Variants in RALYL observed in about 807,000 individuals in gnomAD.
RALYL encodes the protein RNA-binding Raly-like protein.
In RALYL, 29 loss-of-function variants were observed where a neutral mutation model predicts 35.1. The observed-to-expected ratio is 0.83, with a 90% CI of 0.61 to 1.13. The LOEUF (loss-of-function observed/expected upper bound fraction) is 1.13. RALYL is among the 50% of genes most tolerant of loss of function. The probability of loss-of-function intolerance (pLI) is 0.00; values close to 1 mark genes in which losing one functional copy is unlikely to be tolerated. For synonymous variants in RALYL, 120 were observed against 127.6 expected (o/e 0.94, Z 0.40); for missense variants, 359 against 360.4 (o/e 1.00, Z 0.03).
chr8:84,580,901 T>G (rs923020710), intron 2 of RALYL, among the ~76,000 whole-genome samples: 6 of 152,152 alleles, frequency 3.9e-5, no homozygotes, highest in Non-Finnish European at 8.8e-5. Context: ...GCCTTGAAGG[T>G]AAGTCTTGTT....
At chr8:84,662,616 A>T (rs189240015) in intron 2 of RALYL, among the ~76,000 whole-genome samples, 179 of 152,222 alleles carry the variant, frequency 1.2e-3, no homozygotes, top group African/African-American at 4.2e-3. Context: ...TTTAAACTGG[A>T]TGTTGAACAC....
At chr8:84,675,447 C>T (rs1023076200) in intron 2 of RALYL, among the ~76,000 whole-genome samples, 3 of 151,982 alleles carry the variant, frequency 2.0e-5, no homozygotes, top group Non-Finnish European at 4.4e-5. Context: ...TGGAATAGAC[C>T]TAATTCCCCA....
At chr8:84,834,770 C>T (rs185737061) in intron 4 of RALYL, among the ~76,000 whole-genome samples, 31 of 152,276 alleles carry the variant, frequency 2.0e-4, no homozygotes, top group South Asian at 4.1e-4. Flanking sequence ...TATCAATATA[C>T]AGGTGTTTGA....
intron 3 of RALYL, among the ~76,000 whole-genome samples, chr8:84,780,445 A>T (rs1817880023): frequency 6.6e-6 from 1 of 152,212 alleles, no homozygotes; most frequent in South Asian, 2.1e-4. Context: ...CTAAAACTCA[A>T]ACCTGAATAT....
At chr8:84,475,603 T>C (rs1229229121) in intron 1 of RALYL, among the ~76,000 whole-genome samples, 1 of 152,218 alleles carries the variant, frequency 6.6e-6, no homozygotes, top group Admixed American at 6.5e-5. Flanking sequence ...GGGTTTATAA[T>C]TTATTTTCTT....
chr8:84,682,073 C>A (rs1347013874), intron 2 of RALYL, among the ~76,000 whole-genome samples: 2 of 152,094 alleles, frequency 1.3e-5, no homozygotes, highest in South Asian at 4.1e-4. Context: ...TTGTCAAAGG[C>A]CTTTTCTGCA....
chr8:84,730,424 T>C (rs187527953), intron 2 of RALYL, among the ~76,000 whole-genome samples: 3 of 152,244 alleles, frequency 2.0e-5, no homozygotes, highest in African/African-American at 7.2e-5. Flanking sequence ...CCACAGCCAA[T>C]ATCATACTGA....
chr8:84,584,145 G>T (rs1811451998), intron 2 of RALYL, among the ~76,000 whole-genome samples: 1 of 152,054 alleles, frequency 6.6e-6, no homozygotes, highest in South Asian at 2.1e-4. Flanking sequence ...GTACAATTAA[G>T]TTATTGAAGT....
At chr8:84,692,297 A>G (rs1838222947) in intron 2 of RALYL, among the ~76,000 whole-genome samples, 1 of 152,020 alleles carries the variant, frequency 6.6e-6, no homozygotes, top group Admixed American at 6.6e-5. Context: ...TAGAAAAATC[A>G]AAAACAATAT....
At chr8:84,901,449 G>A (rs897989244) in intron 8 of RALYL, among the ~76,000 whole-genome samples, 2 of 152,088 alleles carry the variant, frequency 1.3e-5, no homozygotes, top group Non-Finnish European at 2.9e-5. Flanking sequence ...CATTTGTCAA[G>A]TAAAAAACAA....
At chr8:84,664,858 C>T (rs951191706) in intron 2 of RALYL, among the ~76,000 whole-genome samples, 2 of 152,188 alleles carry the variant, frequency 1.3e-5, no homozygotes, top group South Asian at 4.1e-4. Context: ...ACTTCCAATA[C>T]TATGTTGAAT....
chr8:84,774,565 T>C lies in RALYL; in HGVS notation c.257-14T>C, dbSNP rs1181449247. ...TATTTTCTTAATCAGTACTGTTTTA[T>C]TTTATGCTTTCAGATATCAACATGG... On this transcript the variant is annotated splice_polypyrimidine_tract_variant and intron_variant, in intron 2 of 8. Coordinates refer to ENST00000521268, the MANE Select transcript of RALYL (RefSeq NM_173848.7). The C allele has an allele frequency of 1.9e-6, 3 of 1,571,044 alleles. No homozygotes were observed. In the Admixed American group the frequency reaches 5.3e-5, roughly 28 times the overall value.
intron 1 of RALYL, among the ~76,000 whole-genome samples, chr8:84,471,413 T>C (rs1256404491): frequency 6.7e-6 from 1 of 148,992 alleles, no homozygotes; most frequent in Non-Finnish European, 1.5e-5. Context: ...CAAGACCACA[T>C]CTGTACACAA....
chr8:84,574,032 A>G (rs1380828021), intron 2 of RALYL, among the ~76,000 whole-genome samples: 1 of 151,896 alleles, frequency 6.6e-6, no homozygotes, highest in African/African-American at 2.4e-5. Flanking sequence ...TTAAGCTTTA[A>G]TTGGATACCG....
intron 5 of RALYL, among the ~76,000 whole-genome samples, chr8:84,860,871 G>T (rs1289184691): frequency 6.6e-6 from 1 of 152,020 alleles, no homozygotes; most frequent in African/African-American, 2.4e-5. Context: ...TTTAAATTTG[G>T]TTTAATAGTG....
chr8:84,843,521 T>C (rs1457995389), intron 4 of RALYL, among the ~76,000 whole-genome samples: 1 of 152,062 alleles, frequency 6.6e-6, no homozygotes, highest in East Asian at 1.9e-4. Flanking sequence ...AGAATCAATA[T>C]CGTGAAAATG....
chr8:84,679,277 G>T (rs2131942444), intron 2 of RALYL: 2 of 219,152 alleles, frequency 9.1e-6, no homozygotes, highest in Admixed American at 5.1e-5. Context: ...CAATTACCAT[G>T]ATGCCAGTGG....
At chr8:84,425,423 T>G (rs1054067131) in intron 1 of RALYL, among the ~76,000 whole-genome samples, 3 of 152,008 alleles carry the variant, frequency 2.0e-5, no homozygotes, top group Non-Finnish European at 2.9e-5. Flanking sequence ...CACGGTGCGC[T>G]CACCCACTGG....
At chr8:84,490,434 T>C (rs904452835) in intron 1 of RALYL, among the ~76,000 whole-genome samples, 6 of 152,030 alleles carry the variant, frequency 3.9e-5, no homozygotes, top group Non-Finnish European at 8.8e-5. Context: ...GGTTGTTGCC[T>C]GGAATGATTC....
Sources: allele counts gnomAD v4.1 joint callset (sites outside exome capture counted in the v4.1 genomes callset), GRCh38; gene constraint gnomAD v4.1.1; transcripts MANE v1.5; gene names NCBI Gene and HGNC (gene_info 2026-07-23, HGNC 2026-07-21).